GLRA1: variants seen among roughly 807,000 people sequenced by gnomAD.
GLRA1 encodes glycine receptor subunit alpha-1.
In GLRA1, 37 loss-of-function variants were observed where a neutral mutation model predicts 48.3. That is an observed-to-expected ratio of 0.77 (90% CI 0.59 to 1.01). GLRA1 has a LOEUF of 1.01. Among genes scored for constraint, GLRA1 ranks in the 50% least tolerant of loss-of-function variants. GLRA1 has a pLI of 0.00. For missense variants in GLRA1, 427 were observed against 571.0 expected, an observed-to-expected ratio of 0.75 and a Z score of 2.57; for synonymous variants, 196 against 210.7, an observed-to-expected ratio of 0.93 and a Z score of 0.60.
chr5:151,854,196 T>C (rs1752978436), intron 6 of GLRA1, among the ~76,000 whole-genome samples: 1 of 152,234 alleles, frequency 6.6e-6, no homozygotes, highest in Non-Finnish European at 1.5e-5. Flanking sequence ...AGAGTATCTT[T>C]GGAGGTTCTG....
chr5:151,836,111 G>A (rs1763572133), intron 7 of GLRA1, among the ~76,000 whole-genome samples: 1 of 152,186 alleles, frequency 6.6e-6, no homozygotes, highest in Admixed American at 6.5e-5. Context: ...CTTTAGCAAA[G>A]TCTCAGGATA....
chr5:151,918,993 A>C lies in GLRA1; in HGVS notation c.56+5501T>G, dbSNP rs144189625. Among the ~76,000 whole-genome samples the C allele has an allele frequency of 2.5e-4, 38 of 152,342 alleles. 1 individual carries two copies. Among genetic ancestry groups the C allele is most frequent in the Middle Eastern group, 3.4e-3 (1 of 294 alleles). The stretch of plus-strand genomic sequence containing the variant: ...TTCCCAATATGGGGTCCCTGGGTAC[A>C]TAGGAGATTCATGAAATAGTAATGA... On this transcript the variant is annotated intron_variant, in intron 1 of 8. Coordinates refer to ENST00000274576, the MANE Select transcript of GLRA1 (RefSeq NM_000171.4).
At chr5:151,912,951 T>C (rs1754653518) in intron 1 of GLRA1, among the ~76,000 whole-genome samples, 1 of 152,176 alleles carries the variant, frequency 6.6e-6, no homozygotes, top group Non-Finnish European at 1.5e-5. Flanking sequence ...TTAAACAAAC[T>C]GAGTGCTAAG....
Position 151,916,947 on chromosome 5 carries a change from A to C in GLRA1, c.56+7547T>G, listed in dbSNP as rs79386153. Among the ~76,000 whole-genome samples, 50 of 152,218 alleles carry C rather than the reference A, an allele frequency of 3.3e-4. No individual in the cohort carries two copies. In the East Asian group the frequency reaches 9.3e-3, roughly 28 times the overall value. Reference sequence around the variant, plus strand: ...GGTGAGTGTGTTTGTGTTTATGAGAAAGGACAGAGTGTGGGAGGATTGAAG... The same window carrying C: ...GGTGAGTGTGTTTGTGTTTATGAGACAGGACAGAGTGTGGGAGGATTGAAG... On this transcript the variant is annotated intron_variant, in intron 1 of 8. Transcript: ENST00000274576.
At chr5:151,908,295 A>T (rs1415705663) in intron 1 of GLRA1, among the ~76,000 whole-genome samples, 4 of 152,244 alleles carry the variant, frequency 2.6e-5, no homozygotes, top group Admixed American at 6.5e-5. Flanking sequence ...TTTCAACAAG[A>T]TAAGCAGATT....
At chr5:151,849,890 G>A in intron 7 of GLRA1, 1 of 1,496,648 alleles carries the variant, frequency 6.7e-7, no homozygotes. Context: ...ACAGTCTGAA[G>A]GCTCCAACAG....
At chr5:151,923,965 A>G (rs1282315866) in intron 1 of GLRA1, among the ~76,000 whole-genome samples, 1 of 152,176 alleles carries the variant, frequency 6.6e-6, no homozygotes, top group African/African-American at 2.4e-5. Flanking sequence ...TCTTCGCAGA[A>G]AAAGAAAACA....
rs78588750 is a variant in GLRA1 at position 151,847,299 on chromosome 5, G to A, written c.912+4091C>T. 6.5e-3 allele frequency among the ~76,000 whole-genome samples: 994 copies of A among 152,320 alleles called. 11 individuals carry two copies. The highest frequency in any genetic ancestry group is 0.022 in the African/African-American group (927 of 41,572). On this transcript the variant is annotated intron_variant, in intron 7 of 8. Transcript: ENST00000274576. Reference sequence around the variant, plus strand: ...ATAATAGTGAATGTGGTAGAATGCAGCATGTAGCATTAAAAGAGAGTGAAG... The same window carrying A: ...ATAATAGTGAATGTGGTAGAATGCAACATGTAGCATTAAAAGAGAGTGAAG...
chr5:151,889,112 TTA>T (rs992086766), intron 2 of GLRA1, among the ~76,000 whole-genome samples: 8 of 152,176 alleles, frequency 5.3e-5, no homozygotes, highest in African/African-American at 1.9e-4. Flanking sequence ...CCCATATAAA[TTA>T]GTTTCTGATT....
At chr5:151,831,312 C>T (rs1763416799) in intron 7 of GLRA1, among the ~76,000 whole-genome samples, 1 of 152,198 alleles carries the variant, frequency 6.6e-6, no homozygotes, top group African/African-American at 2.4e-5. Flanking sequence ...CATTCACTCC[C>T]CTGGAAAGGG....
intron 7 of GLRA1, among the ~76,000 whole-genome samples, chr5:151,848,447 A>G (rs1336664354): frequency 6.6e-6 from 1 of 152,052 alleles, no homozygotes; most frequent in African/African-American, 2.4e-5. Flanking sequence ...GCTCACTGCA[A>G]TCTCCGCCTC....
At chr5:151,913,451 G>A (rs1180419864) in intron 1 of GLRA1, among the ~76,000 whole-genome samples, 2 of 152,180 alleles carry the variant, frequency 1.3e-5, no homozygotes, top group East Asian at 1.9e-4. Flanking sequence ...TCCATTTTGG[G>A]TTGGAATTCA....
rs182364698 is a variant in GLRA1 at position 151,879,283 on chromosome 5, T to C, written c.252+7438A>G. Among the ~76,000 whole-genome samples the C allele has an allele frequency of 2.7e-3, 404 of 152,082 alleles. 2 individuals carry two copies. The highest frequency in any genetic ancestry group is 4.6e-3 in the Admixed American group (70 of 15,272). On this transcript the variant is annotated intron_variant, in intron 3 of 8. Coordinates refer to ENST00000274576, the MANE Select transcript of GLRA1 (RefSeq NM_000171.4). ...GTCTCCCATTTAGAATGGCTGTATT[T>C]ATCCAATACCTGTACCCCCATTGTA...
intron 1 of GLRA1, among the ~76,000 whole-genome samples, chr5:151,899,664 G>A (rs1316404903): frequency 2.6e-5 from 4 of 152,130 alleles, no homozygotes; most frequent in African/African-American, 7.2e-5. Context: ...CTGGCTTCCC[G>A]CAGCCAGCTG....
intron 7 of GLRA1, among the ~76,000 whole-genome samples, chr5:151,843,798 C>T (rs1029952513): frequency 3.3e-5 from 5 of 152,026 alleles, no homozygotes; most frequent in South Asian, 2.1e-4. Flanking sequence ...ATTTTTTTGA[C>T]GAGGGTATCA....
At chr5:151,914,138 A>G (rs1446131557) in intron 1 of GLRA1, among the ~76,000 whole-genome samples, 1 of 152,218 alleles carries the variant, frequency 6.6e-6, no homozygotes, top group Non-Finnish European at 1.5e-5. Context: ...AGGAGACTTT[A>G]TTTCTATTGT....
At chr5:151,879,447 TG>T (rs1388770049) in intron 3 of GLRA1, among the ~76,000 whole-genome samples, 5 of 152,254 alleles carry the variant, frequency 3.3e-5, no homozygotes, top group African/African-American at 1.2e-4. Context: ...TTCCGCCTCC[TG>T]GGTTCAAGCA....
In GLRA1 at chr5:151,859,934, G is replaced by A; in HGVS notation, c.327C>T (p.Asp109=). ...PRLAYNEYPD[D]SLDLDPSMLD... The stretch of plus-strand genomic sequence containing the variant: ...GCATGGATGGGTCCAGGTCCAGAGA[G>A]TCGTCAGGGTATTCATTATAGGCCA... Residue 109 remains aspartate (D), a synonymous_variant, in exon 4 of 9, where the codon GAC becomes GAT. Coordinates refer to ENST00000274576, the MANE Select transcript of GLRA1 (RefSeq NM_000171.4). The A allele has an allele frequency of 6.2e-7, 1 of 1,614,136 alleles. No homozygotes were observed. The highest frequency in any genetic ancestry group is 8.5e-7 in the Non-Finnish European group (1 of 1,179,980).
chr5:151,850,345 T>C, intron 7 of GLRA1: 1 of 1,470,590 alleles, frequency 6.8e-7, no homozygotes, highest in East Asian at 2.3e-5. Context: ...GGCTGTTTCA[T>C]TTTGCATCAT....
Sources: allele counts gnomAD v4.1 joint callset (sites outside exome capture counted in the v4.1 genomes callset), GRCh38; gene constraint gnomAD v4.1.1; transcripts MANE v1.5; gene names NCBI Gene and HGNC (gene_info 2026-07-23, HGNC 2026-07-21).